Variants in SCAPER observed in about 807,000 individuals in gnomAD.
The protein encoded by SCAPER is S-phase cyclin A associated protein in the ER.
A neutral mutation model predicts 182.2 loss-of-function variants in SCAPER; 98 were observed. The ratio of observed to expected loss-of-function variants is 0.54; its 90% CI spans 0.46 to 0.64. The LOEUF (loss-of-function observed/expected upper bound fraction) is 0.64. Among genes scored for constraint, SCAPER ranks in the 30% least tolerant of loss-of-function variants. SCAPER has a pLI of 0.00. For synonymous variants in SCAPER, 605 were observed against 564.6 expected (o/e 1.07, Z -1.01); for missense variants, 1,432 against 1,690.0 (o/e 0.85, Z 2.68).
chr15:76,864,144 A>T (rs969733637), intron 2 of SCAPER, among the ~76,000 whole-genome samples: 9 of 152,080 alleles, frequency 5.9e-5, no homozygotes, highest in African/African-American at 2.2e-4. Context: ...CACAATATAC[A>T]CACCTGGATC....
At chr15:76,577,291 A>G (rs1418692672) in intron 22 of SCAPER, among the ~76,000 whole-genome samples, 1 of 152,110 alleles carries the variant, frequency 6.6e-6, no homozygotes, top group African/African-American at 2.4e-5. Context: ...AGCAAAAAAT[A>G]CAAAAATTAG....
intron 6 of SCAPER, among the ~76,000 whole-genome samples, chr15:76,803,412 T>C (rs1017512725): frequency 6.6e-6 from 1 of 152,242 alleles, no homozygotes; most frequent in Non-Finnish European, 1.5e-5. Context: ...TTTTTTCTTA[T>C]ACTGACAGAG....
intron 25 of SCAPER, among the ~76,000 whole-genome samples, chr15:76,442,148 A>AATCCTTCTCTATGCAAT (rs2047658796): frequency 6.6e-6 from 1 of 152,070 alleles, no homozygotes; most frequent in South Asian, 2.1e-4. Context: ...TTGCACGCAA[A>AATCCTTCTCTATGCAAT]ATCCTTCTCT....
chr15:76,704,501 A>G (rs536143575), intron 18 of SCAPER, among the ~76,000 whole-genome samples: 266 of 152,252 alleles, frequency 1.7e-3, no homozygotes, highest in Non-Finnish European at 3.0e-3. Context: ...ATTTTTGTAT[A>G]AGGTGTAAGG....
chr15:76,706,908 T>C (rs2059291745), intron 17 of SCAPER, among the ~76,000 whole-genome samples: 1 of 152,030 alleles, frequency 6.6e-6, no homozygotes, highest in Non-Finnish European at 1.5e-5. Context: ...TATTTTCTCT[T>C]TTATTCGCCT....
intron 17 of SCAPER, among the ~76,000 whole-genome samples, chr15:76,720,175 T>C (rs1160231625): frequency 2.0e-5 from 3 of 150,186 alleles, no homozygotes; most frequent in Admixed American, 1.3e-4. Flanking sequence ...TGAGAACATG[T>C]GGTGTTCGGT....
chr15:76,798,439 G>A (rs1356876438), intron 7 of SCAPER, among the ~76,000 whole-genome samples: 6 of 150,722 alleles, frequency 4.0e-5, no homozygotes, highest in African/African-American at 1.2e-4. Context: ...GAGTACAAAC[G>A]TGTACAGTGG....
chr15:76,367,519 A>G lies in SCAPER; in HGVS notation c.3855+8643T>C, dbSNP rs535368468. Among the ~76,000 whole-genome samples the G allele has an allele frequency of 1.4e-4, 21 of 152,296 alleles. No individual in the cohort carries two copies. The South Asian group carries it at 4.2e-3, about 30-fold the overall frequency. On this transcript the variant is annotated intron_variant, in intron 29 of 31. Coordinates refer to ENST00000563290, the MANE Select transcript of SCAPER (RefSeq NM_020843.4). ...CCAATAGAAGATTTTCAAGTGAGCA[A>G]AGGATAACTGAGGTTCGTGCACACT... is the stretch of plus-strand genomic sequence containing the variant.
Position 76,840,360 on chromosome 15 carries a change from C to T in SCAPER, c.393+1374G>A, listed in dbSNP as rs563840987. On this transcript the variant is annotated intron_variant, in intron 5 of 31. Coordinates refer to ENST00000563290, the MANE Select transcript of SCAPER (RefSeq NM_020843.4). ...GCTTGAGCCCAGAAGGTCAAGGCTT[C>T]GTAAGCCATGTTTGTACCACCACAT... Among the ~76,000 whole-genome samples the T allele has an allele frequency of 1.6e-3, 233 of 149,336 alleles. 1 individual carries two copies. The highest frequency in any genetic ancestry group is 3.2e-3 in the Admixed American group (47 of 14,860).
chr15:76,386,667 C>T (rs2043311758), intron 27 of SCAPER, among the ~76,000 whole-genome samples: 1 of 151,986 alleles, frequency 6.6e-6, no homozygotes, highest in African/African-American at 2.4e-5. Context: ...ATGTGGACAC[C>T]TGGGGGAAGG....
intron 2 of SCAPER, among the ~76,000 whole-genome samples, chr15:76,869,203 G>A (rs761461869): frequency 6.6e-6 from 1 of 151,944 alleles, no homozygotes; most frequent in East Asian, 1.9e-4. Flanking sequence ...ATATTTGTCT[G>A]GGTAAAGAAT....
intron 21 of SCAPER, among the ~76,000 whole-genome samples, chr15:76,644,598 A>C (rs189792594): frequency 1.4e-3 from 211 of 152,218 alleles, no homozygotes; most frequent in African/African-American, 4.7e-3. Flanking sequence ...AAAACAAAAA[A>C]AAAAAATCTG....
chr15:76,468,495 G>A (rs930063016), intron 25 of SCAPER, among the ~76,000 whole-genome samples: 2 of 152,054 alleles, frequency 1.3e-5, no homozygotes, highest in Non-Finnish European at 2.9e-5. Context: ...GGGAACTAGG[G>A]CTTTATTATT....
At chr15:76,715,313 G>T (rs998902494) in intron 17 of SCAPER, among the ~76,000 whole-genome samples, 1 of 152,030 alleles carries the variant, frequency 6.6e-6, no homozygotes, top group South Asian at 2.1e-4. Context: ...GGATCCAAAG[G>T]CTCTACTGAC....
chr15:76,394,291 A>G (rs2043904726), intron 27 of SCAPER, among the ~76,000 whole-genome samples: 2 of 152,222 alleles, frequency 1.3e-5, no homozygotes, highest in Non-Finnish European at 2.9e-5. Context: ...CCCTTAGTTA[A>G]GTAACGAATT....
At chr15:76,883,264 A>G (rs750464588) in intron 2 of SCAPER, among the ~76,000 whole-genome samples, 6 of 152,134 alleles carry the variant, frequency 3.9e-5, no homozygotes, top group Non-Finnish European at 8.8e-5. Context: ...GACTCCATGT[A>G]TACCTCCATT....
chr15:76,661,031 G>T (rs2056111139), intron 21 of SCAPER, among the ~76,000 whole-genome samples: 2 of 152,046 alleles, frequency 1.3e-5, no homozygotes, highest in African/African-American at 4.8e-5. Flanking sequence ...TTATGAAGAA[G>T]CTCTAAGGAA....
At chr15:76,869,788 AAAAAGTTAT>A (rs1300910563) in intron 2 of SCAPER, among the ~76,000 whole-genome samples, 2 of 152,202 alleles carry the variant, frequency 1.3e-5, no homozygotes, top group Non-Finnish European at 2.9e-5. Flanking sequence ...CTAATATATC[AAAAAGTTAT>A]CTGCACTCCC....
chr15:76,844,583 G>T (rs993930389), intron 4 of SCAPER, among the ~76,000 whole-genome samples: 1 of 152,228 alleles, frequency 6.6e-6, no homozygotes, highest in East Asian at 1.9e-4. Flanking sequence ...GCTACTATGA[G>T]AAACTATATG....
Sources: gnomAD v4.1 joint callset for allele counts (sites outside exome capture counted in the v4.1 genomes callset) on GRCh38, gnomAD v4.1.1 for gene constraint, MANE v1.5 for transcripts, NCBI Gene and HGNC (gene_info 2026-07-23, HGNC 2026-07-21) for gene names.